Variants in AZIN2 observed in about 807,000 individuals in gnomAD.
The protein encoded by AZIN2 is antizyme inhibitor 2.
Under a neutral mutation model 47.8 loss-of-function variants are expected in AZIN2, and 28 were observed. The observed-to-expected ratio is 0.59, with a 90% CI of 0.43 to 0.80. The LOEUF (loss-of-function observed/expected upper bound fraction) is 0.80. AZIN2 is among the 30% of genes least tolerant of loss of function. AZIN2 has a pLI of 0.00. For synonymous variants in AZIN2, 221 were observed against 239.4 expected (o/e 0.92, Z 0.71); for missense variants, 535 against 582.5 (o/e 0.92, Z 0.84).
chr1:33,120,047 A>G lies in AZIN2; in HGVS notation c.1248A>G (p.Glu416=). 1 of 1,613,830 alleles carries G rather than the reference A, an allele frequency of 6.2e-7. No homozygotes were observed. Among genetic ancestry groups the G allele is most frequent in the Non-Finnish European group, 8.5e-7 (1 of 1,179,948 alleles). Reference sequence around the variant, plus strand: ...AGCACCCCTCTCTCACCCCTAGGGAAGCGCTGCGAAGGCAGCTGATGGCTG... The same window carrying G: ...AGCACCCCTCTCTCACCCCTAGGGAGGCGCTGCGAAGGCAGCTGATGGCTG... ...ITYAMSRVAW[E]ALRRQLMAAE... is the part of the protein sequence containing the mutation. Residue 416 remains glutamate (E), a synonymous_variant, in exon 12 of 12, where the codon GAA becomes GAG. Transcript: ENST00000294517.
chr1:33,098,770 CT>C (rs936047373), intron 10 of AZIN2, among the ~76,000 whole-genome samples: 83 of 146,720 alleles, frequency 5.7e-4, no homozygotes, highest in African/African-American at 7.2e-4. Context: ...CTCTCTCTCT[CT>C]TTTTTTTTTT....
the AZIN2 span, among the ~76,000 whole-genome samples, chr1:33,148,705 G>A: frequency 6.6e-6 from 1 of 152,140 alleles, no homozygotes; most frequent in Non-Finnish European, 1.5e-5. Flanking sequence ...ACTTGAAATT[G>A]TGAAAAGGTT....
intron 10 of AZIN2, among the ~76,000 whole-genome samples, chr1:33,100,635 ATAT>A (rs1385349606): frequency 1.3e-5 from 2 of 152,132 alleles, no homozygotes; most frequent in African/African-American, 4.8e-5. Flanking sequence ...TACAGAACAA[ATAT>A]TATTGGAGCT....
At chr1:33,118,217 C>G in intron 11 of AZIN2, 101 bp downstream of exon 11, 2 of 1,305,052 alleles carry the variant, frequency 1.5e-6, no homozygotes, top group Non-Finnish European at 2.0e-6. Context: ...TCCAACTTGA[C>G]AAGTAGCTGT....
At chr1:33,102,231 A>G (rs1168236275) in intron 10 of AZIN2, among the ~76,000 whole-genome samples, 1 of 152,010 alleles carries the variant, frequency 6.6e-6, no homozygotes, top group Non-Finnish European at 1.5e-5. Context: ...TTGTGTCTTG[A>G]TTTGCATTTC....
At chr1:33,152,466 C>T in the AZIN2 span, among the ~76,000 whole-genome samples, 309 of 151,744 alleles carry the variant, frequency 2.0e-3, no homozygotes, top group African/African-American at 7.2e-3. Flanking sequence ...ACTTGGGAGG[C>T]TGAGGCAGGA....
At chr1:33,152,917 A>G in the AZIN2 span, among the ~76,000 whole-genome samples, 1 of 152,046 alleles carries the variant, frequency 6.6e-6, no homozygotes, top group Non-Finnish European at 1.5e-5. Context: ...CCTTGGGACA[A>G]TGGGCTGCCT....
intron 8 of AZIN2, among the ~76,000 whole-genome samples, chr1:33,095,311 T>C (rs1213841995): frequency 6.6e-6 from 1 of 152,208 alleles, no homozygotes; most frequent in Admixed American, 6.5e-5. Flanking sequence ...TCTAGCTTTG[T>C]TCCTAACAGA....
chr1:33,159,592 C>T, the AZIN2 span: 5 of 1,452,408 alleles, frequency 3.4e-6, no homozygotes, highest in African/African-American at 2.8e-5. This position sits in a 1 kb window ranked among gnomAD's most constrained non-coding sequence, Gnocchi z 4.2. Flanking sequence ...TGAAAGAATT[C>T]TCTGCTAAGG....
At chr1:33,111,871 G>C (rs1027090193) in intron 10 of AZIN2, among the ~76,000 whole-genome samples, 15 of 152,206 alleles carry the variant, frequency 9.9e-5, no homozygotes, top group Admixed American at 7.9e-4. Context: ...CCAAAGTGCT[G>C]GGATTACAGG....
chr1:33,104,543 C>CATAT (rs33993023), intron 10 of AZIN2, among the ~76,000 whole-genome samples: 2,895 of 149,718 alleles, frequency 0.019, 53 homozygotes, highest in African/African-American at 0.041. Context: ...ATCTTTATTA[C>CATAT]ATATATATAT....
chr1:33,126,468 GT>G (rs1644857303), downstream of AZIN2, among the ~76,000 whole-genome samples: 1 of 152,184 alleles, frequency 6.6e-6, no homozygotes, highest in Non-Finnish European at 1.5e-5. Flanking sequence ...ACCTAAGACT[GT>G]GCTTACCACA....
chr1:33,101,342 A>G (rs985121193), intron 10 of AZIN2, among the ~76,000 whole-genome samples: 7 of 151,864 alleles, frequency 4.6e-5, no homozygotes, highest in African/African-American at 1.7e-4. Flanking sequence ...CCTGGCCCCC[A>G]CCCTCTTTTT....
In AZIN2 at chr1:33,118,253, G is replaced by A. The variant is rs1644655625; in HGVS notation, c.1244+137G>A. The A allele has an allele frequency of 5.1e-6, 5 of 976,418 alleles. No homozygotes were observed. The South Asian group carries it at 7.6e-5, about 15-fold the overall frequency. 60.5% of individuals were successfully genotyped at this position (976,418 alleles called of 1,614,324 possible). A position where few individuals can be genotyped will look rare whatever the true frequency, so the allele number is the denominator to read the frequency against. ...TGGCTGCTGGTCCCACGTGAGGGATGTGCTTGGCACCTGGCTGTGGCCATA... is the reference window on the plus strand; with the variant it reads ...TGGCTGCTGGTCCCACGTGAGGGATATGCTTGGCACCTGGCTGTGGCCATA... On this transcript the variant is annotated intron_variant, in intron 11 of 11. Transcript: ENST00000294517.
intron 5 of AZIN2, among the ~76,000 whole-genome samples, chr1:33,085,519 T>C (rs1641788354): frequency 6.6e-6 from 1 of 152,054 alleles, no homozygotes; most frequent in South Asian, 2.1e-4. Flanking sequence ...GATATTGTCA[T>C]TAGCACTATT....
At chr1:33,116,737 G>A (rs1258316546) in intron 10 of AZIN2, among the ~76,000 whole-genome samples, 2 of 152,206 alleles carry the variant, frequency 1.3e-5, no homozygotes, top group Non-Finnish European at 2.9e-5. Flanking sequence ...GGAGCATGGA[G>A]CTTTAGGAAA....
At chr1:33,157,879 C>T in the AZIN2 span, among the ~76,000 whole-genome samples, 1 of 152,156 alleles carries the variant, frequency 6.6e-6, no homozygotes, top group South Asian at 2.1e-4. Flanking sequence ...GCCTCAGCCT[C>T]TCGAGTAGCT....
intron 4 of AZIN2, chr1:33,083,227 TAAC>T (rs1302218663): frequency 6.5e-6 from 1 of 154,926 alleles, no homozygotes; most frequent in African/African-American, 2.4e-5. Context: ...TCCCTTAGCA[TAAC>T]GTTTGGCACC....
chr1:33,084,413 T>A (rs1641645270), intron 5 of AZIN2, among the ~76,000 whole-genome samples: 1 of 152,224 alleles, frequency 6.6e-6, no homozygotes, highest in African/African-American at 2.4e-5. Context: ...ATACATGATG[T>A]TCTTCTAATT....
Sources: allele counts gnomAD v4.1 joint callset (sites outside exome capture counted in the v4.1 genomes callset), GRCh38; gene constraint gnomAD v4.1.1; non-coding constraint Gnocchi (gnomAD v3.1); transcripts MANE v1.5; gene names NCBI Gene and HGNC (gene_info 2026-07-23, HGNC 2026-07-21).